PXYLP1: variants seen among roughly 807,000 people sequenced by gnomAD.
The protein encoded by PXYLP1 is 2-phosphoxylose phosphatase 1.
Under a neutral mutation model 37.9 loss-of-function variants are expected in PXYLP1, and 17 were observed. The ratio of observed to expected loss-of-function variants is 0.45; its 90% CI spans 0.31 to 0.67. PXYLP1 has a LOEUF of 0.67. PXYLP1 is among the 30% of genes least tolerant of loss of function. The probability of loss-of-function intolerance (pLI) is 0.07; values close to 1 mark genes in which losing one functional copy is unlikely to be tolerated. For synonymous variants in PXYLP1, 221 were observed against 232.2 expected, an observed-to-expected ratio of 0.95 and a Z score of 0.44; for missense variants, 511 against 612.0, an observed-to-expected ratio of 0.84 and a Z score of 1.74.
At chr3:141,287,722 G>A (rs752215634) in intron 5 of PXYLP1, among the ~76,000 whole-genome samples, 20 of 152,166 alleles carry the variant, frequency 1.3e-4, no homozygotes, top group Non-Finnish European at 2.5e-4. Flanking sequence ...TTAAGCAACC[G>A]TAATTCCACC....
At position 141,274,300 on chromosome 3, in the gene PXYLP1, T is replaced by C. The variant is rs554058565; in HGVS notation, c.80-4042T>C. ...CCTCCAGGCCCCTTCCCAGCCTTCC[T>C]CCTGGAGCCCGGCCTGCACATCGAC... On this transcript the variant is annotated intron_variant, in intron 2 of 5. Transcript: ENST00000286353. 2.2e-6 allele frequency: 3 copies of C among 1,356,182 alleles called. No individual in the cohort carries two copies. The South Asian group carries it at 5.2e-5, about 23-fold the overall frequency. The allele number at this position is 1,356,182 out of a possible 1,614,324, so 84.0% of individuals were successfully genotyped here. A position where few individuals can be genotyped will look rare whatever the true frequency, so the allele number is the denominator to read the frequency against.
rs142785821 is a variant in PXYLP1 at position 141,268,168 on chromosome 3, GGAGAGAGAGAGA to G, written c.79+7942_79+7953del. 7.1e-3 allele frequency among the ~76,000 whole-genome samples: 919 copies of G among 129,546 alleles called. 8 individuals carry two copies. The highest frequency in any genetic ancestry group is 0.019 in the African/African-American group (633 of 33,084). 85.0% of individuals were successfully genotyped at this position (129,546 alleles called of 152,430 possible). A position where few individuals can be genotyped will look rare whatever the true frequency, so the allele number is the denominator to read the frequency against. ...GTACCTTTATATGCGGGTGGGTGGG[GGAGAGAGAGAGA>G]GAGAGAGAGAGAGAGAGAGAGAGAG... On this transcript the variant is annotated intron_variant, in intron 2 of 5. Transcript: ENST00000286353.
chr3:141,250,782 G>A (rs1376138795), intron 1 of PXYLP1, among the ~76,000 whole-genome samples: 3 of 152,188 alleles, frequency 2.0e-5, no homozygotes, highest in Non-Finnish European at 1.5e-5. Context: ...GATGCTTGGA[G>A]TTGCTGAATC....
rs531287187 is a variant in PXYLP1 at position 141,261,583 on chromosome 3, C to T, written c.79+1329C>T. Among the ~76,000 whole-genome samples, 73 of 152,272 alleles carry T rather than the reference C, an allele frequency of 4.8e-4. 1 individual carries two copies. The highest frequency in any genetic ancestry group is 3.7e-3 in the Admixed American group (56 of 15,304). On this transcript the variant is annotated intron_variant, in intron 2 of 5. Coordinates refer to ENST00000286353, the MANE Select transcript of PXYLP1 (RefSeq NM_001037172.3). The stretch of plus-strand genomic sequence containing the variant: ...GAAGAAGAGCAGTAAGAACATCAGC[C>T]TCCCTAAGTTCTGGTATTACAGGCG...
chr3:141,258,119 G>T (rs1429197455), intron 1 of PXYLP1, among the ~76,000 whole-genome samples: 1 of 152,064 alleles, frequency 6.6e-6, no homozygotes, highest in African/African-American at 2.4e-5. Flanking sequence ...ACATGCAAAC[G>T]CAGGGCAACC....
chr3:141,236,585 G>A (rs1363175113), intron 1 of PXYLP1, among the ~76,000 whole-genome samples: 2 of 152,106 alleles, frequency 1.3e-5, no homozygotes, highest in African/African-American at 4.8e-5. Context: ...CTCATTCTTG[G>A]ATCTAACACC....
chr3:141,240,488 G>A (rs1940768640), intron 1 of PXYLP1, among the ~76,000 whole-genome samples: 1 of 152,026 alleles, frequency 6.6e-6, no homozygotes, highest in African/African-American at 2.4e-5. Flanking sequence ...GGATTTTGTG[G>A]GCCAGGCTCA....
chr3:141,232,680 C>G (rs3732866), intron 1 of PXYLP1, among the ~76,000 whole-genome samples: 114,285 of 151,188 alleles, frequency 0.76, 43,537 homozygotes, highest in African/African-American at 0.85. Context: ...CACACACACA[C>G]AGAGAGAGAG....
intron 1 of PXYLP1, among the ~76,000 whole-genome samples, chr3:141,255,455 G>A (rs1347943733): frequency 6.6e-6 from 1 of 152,264 alleles, no homozygotes; most frequent in Non-Finnish European, 1.5e-5. Context: ...CACAGAAGGT[G>A]ATGGGACTTG....
intron 4 of PXYLP1, among the ~76,000 whole-genome samples, chr3:141,280,440 G>A (rs924085146): frequency 6.6e-6 from 1 of 152,220 alleles, no homozygotes; most frequent in Non-Finnish European, 1.5e-5. Context: ...AGTTCCTAGG[G>A]ACCAGTTGGC....
At chr3:141,287,549 C>G (rs888109741) in intron 5 of PXYLP1, 96 bp downstream of exon 5, 1 of 1,457,086 alleles carries the variant, frequency 6.9e-7, no homozygotes, top group Non-Finnish European at 9.1e-7. Context: ...CTGTGCAGCT[C>G]AGAGGGGGTA....
At chr3:141,268,180 A>AGG (rs1941570145) in intron 2 of PXYLP1, among the ~76,000 whole-genome samples, 1 of 102,620 alleles carries the variant, frequency 9.7e-6, no homozygotes, top group Non-Finnish European at 1.8e-5. Flanking sequence ...AGAGAGAGAG[A>AGG]GAGAGAGAGA....
rs745612975 is a variant in PXYLP1, at chr3:141,293,226, A to G, written c.*21A>G. On this transcript the variant is annotated 3_prime_UTR_variant, in exon 6 of 6. Coordinates refer to ENST00000286353, the MANE Select transcript of PXYLP1 (RefSeq NM_001037172.3). ...TCTAAAAGGTATGCAGTACAGCAGT[A>G]TAGAATCCATGCCAATACAGAGCAT... 2 of 1,596,922 alleles carry G rather than the reference A, an allele frequency of 1.3e-6. No individual in the cohort carries two copies. Among genetic ancestry groups the G allele is most frequent in the East Asian group, 2.2e-5 (1 of 44,814 alleles).
At chr3:141,265,997 C>T (rs1251880751) in intron 2 of PXYLP1, among the ~76,000 whole-genome samples, 1 of 152,134 alleles carries the variant, frequency 6.6e-6, no homozygotes, top group East Asian at 1.9e-4. Flanking sequence ...AGCCAGCGGG[C>T]CCAGTGGATG....
At chr3:141,236,533 C>G (rs1300708065) in intron 1 of PXYLP1, 1 of 152,134 alleles carries the variant, frequency 6.6e-6, no homozygotes, top group Non-Finnish European at 1.5e-5. Flanking sequence ...AGACATGTGT[C>G]TTTTCAACCA....
rs768260981 is a variant in PXYLP1, at chr3:141,260,201, TGCTGCTGGCCCTGGCTGC to T, written c.37_54del (p.Leu13_Ala18del). On this transcript the variant is annotated inframe_deletion, in exon 2 of 6. Transcript: ENST00000286353. Reference sequence around the variant, plus strand: ...ATGCTTTTCCGCAACCGCTTCTTGCTGCTGCTGGCCCTGGCTGCGCTGCTGGCCTTTGTGAGCCTCAGC... The same window carrying T: ...ATGCTTTTCCGCAACCGCTTCTTGCTGCTGCTGGCCTTTGTGAGCCTCAGC... The T allele has an allele frequency of 6.2e-6, 10 of 1,613,794 alleles. No individual in the cohort carries two copies. The highest frequency in any genetic ancestry group is 2.2e-5 in the East Asian group (1 of 44,900).
At chr3:141,248,792 T>C (rs71619389) in intron 1 of PXYLP1, among the ~76,000 whole-genome samples, 1,336 of 17,406 alleles carry the variant, frequency 0.077, 379 homozygotes, top group Non-Finnish European at 0.12. Flanking sequence ...CGTATATATA[T>C]ACACACACGT....
rs2148849587 is a variant in PXYLP1 at position 141,292,206 on chromosome 3, T to A, written c.506-62T>A. ...TCCAGAGCCACACGCTGACTCCACC[T>A]CCCCTTGCTGTTTCTTTTGCTCAGC... On this transcript the variant is annotated intron_variant, in intron 5 of 5. Coordinates refer to ENST00000286353, the MANE Select transcript of PXYLP1 (RefSeq NM_001037172.3). The surrounding 1 kb of genome is among the most constrained non-coding windows in gnomAD (Gnocchi z 4.3). 6 of 1,485,592 alleles carry A rather than the reference T, an allele frequency of 4.0e-6. 1 individual carries two copies. The Admixed American group carries it at 8.5e-5, about 21-fold the overall frequency. 92.0% of individuals were successfully genotyped at this position (1,485,592 alleles called of 1,614,324 possible). A position where few individuals can be genotyped will look rare whatever the true frequency, so the allele number is the denominator to read the frequency against.
intron 2 of PXYLP1, among the ~76,000 whole-genome samples, chr3:141,265,819 A>C (rs942969792): frequency 6.6e-5 from 10 of 152,330 alleles, no homozygotes; most frequent in East Asian, 1.9e-4. Flanking sequence ...TGGGAAGTCA[A>C]CCATGCAGGG....
Sources: gnomAD v4.1 joint callset for allele counts (sites outside exome capture counted in the v4.1 genomes callset) on GRCh38, gnomAD v4.1.1 for gene constraint, Gnocchi (gnomAD v3.1) non-coding constraint, MANE v1.5 for transcripts, NCBI Gene and HGNC (gene_info 2026-07-23, HGNC 2026-07-21) for gene names.